Variants in IGSF11 observed in about 807,000 individuals in gnomAD.
IGSF11 encodes CXADR like 1.
Under a neutral mutation model 41.0 loss-of-function variants are expected in IGSF11, and 22 were observed. The ratio of observed to expected loss-of-function variants is 0.54; its 90% confidence interval spans 0.38 to 0.77. IGSF11 has a LOEUF of 0.77. Ranked by LOEUF, IGSF11 falls within the 30% of genes least tolerant of loss-of-function variation. IGSF11 has a pLI of 0.00. For synonymous variants in IGSF11, 219 were observed against 201.3 expected (o/e 1.09, Z -0.74); for missense variants, 444 against 530.8 (o/e 0.84, Z 1.61).
intron 1 of IGSF11, among the ~76,000 whole-genome samples, chr3:118,954,545 T>C (rs746247580): frequency 2.0e-5 from 3 of 152,114 alleles, no homozygotes; most frequent in African/African-American, 7.2e-5. Flanking sequence ...CTTCCTCCTA[T>C]GACAAAAATG....
intron 1 of IGSF11, among the ~76,000 whole-genome samples, chr3:119,101,538 CA>C (rs2076940668): frequency 1.3e-5 from 2 of 152,144 alleles, no homozygotes; most frequent in African/African-American, 2.4e-5. Context: ...AAAGCATATA[CA>C]GACATGGCAC....
intron 1 of IGSF11, among the ~76,000 whole-genome samples, chr3:119,135,958 C>A (rs1375360053): frequency 1.3e-5 from 2 of 152,186 alleles, no homozygotes; most frequent in Non-Finnish European, 2.9e-5. Context: ...CAAACTATCA[C>A]AAGGACAGAA....
At chr3:118,913,173 A>G (rs1222722858) in intron 4 of IGSF11, among the ~76,000 whole-genome samples, 2 of 152,132 alleles carry the variant, frequency 1.3e-5, no homozygotes, top group Non-Finnish European at 2.9e-5. Context: ...CGGATAAGCA[A>G]AGGATTAAAA....
intron 1 of IGSF11, among the ~76,000 whole-genome samples, chr3:119,008,811 C>G (rs1456475502): frequency 6.6e-6 from 1 of 152,150 alleles, no homozygotes; most frequent in African/African-American, 2.4e-5. Flanking sequence ...GGACTGAGTA[C>G]AGCAGATTGT....
intron 1 of IGSF11, among the ~76,000 whole-genome samples, chr3:119,080,752 A>G (rs984090297): frequency 2.6e-5 from 4 of 152,204 alleles, no homozygotes; most frequent in Admixed American, 2.6e-4. Context: ...GAGCACAATT[A>G]TTATAGCAGC....
chr3:118,904,856 C>A lies in IGSF11; in HGVS notation c.704-58G>T, dbSNP rs1446141134. The stretch of plus-strand genomic sequence containing the variant: ...AAGAGAAAGAGAGAAATAGCATATA[C>A]CCATGCAACTGTAATAAGCACATAA... On this transcript the variant is annotated intron_variant, in intron 5 of 6. Coordinates refer to ENST00000393775, the MANE Select transcript of IGSF11 (RefSeq NM_001015887.3). 13 of 1,387,400 alleles carry A rather than the reference C, an allele frequency of 9.4e-6. 1 individual carries two copies. The South Asian group carries it at 1.1e-4, about 12-fold the overall frequency. The allele number at this position is 1,387,400 out of a possible 1,614,324, so 85.9% of individuals were successfully genotyped here.
chr3:118,945,413 C>T (rs957015371), intron 1 of IGSF11, among the ~76,000 whole-genome samples: 4 of 152,198 alleles, frequency 2.6e-5, no homozygotes, highest in African/African-American at 4.8e-5. Flanking sequence ...CATATCTATG[C>T]TTTCCACCCT....
At chr3:119,048,884 C>A (rs996533602) in intron 1 of IGSF11, among the ~76,000 whole-genome samples, 8 of 152,022 alleles carry the variant, frequency 5.3e-5, no homozygotes, top group African/African-American at 1.9e-4. Flanking sequence ...TAAACAGAAC[C>A]AAAGACAAAA....
At position 118,994,954 on chromosome 3, in the gene IGSF11, T is replaced by C. The variant is rs191400396; in HGVS notation, c.52+39577A>G. ...GGAAAGCAGGCCACAGTCAAGGCAATGAAAAGGGGTTATGTAATAGAAAAG... is the reference window on the plus strand; with the variant it reads ...GGAAAGCAGGCCACAGTCAAGGCAACGAAAAGGGGTTATGTAATAGAAAAG... On this transcript the variant is annotated intron_variant, in intron 1 of 6. Coordinates refer to ENST00000393775, the MANE Select transcript of IGSF11 (RefSeq NM_001015887.3). 2.8e-4 allele frequency among the ~76,000 whole-genome samples: 43 copies of C among 151,936 alleles called. No individual in the cohort carries two copies. In the East Asian group the frequency reaches 7.2e-3, roughly 25 times the overall value.
intron 1 of IGSF11, among the ~76,000 whole-genome samples, chr3:118,933,043 G>C (rs1942980610): frequency 6.6e-6 from 1 of 152,260 alleles, no homozygotes; most frequent in Admixed American, 6.5e-5. Context: ...CAACAGGACG[G>C]TTGGCACAGA....
chr3:118,958,134 TAC>T (rs1945092539), intron 1 of IGSF11, among the ~76,000 whole-genome samples: 1 of 152,234 alleles, frequency 6.6e-6, no homozygotes, highest in Admixed American at 6.5e-5. Flanking sequence ...TTCTCAGAAT[TAC>T]AGATACTTCC....
chr3:118,992,284 GATGTT>G (rs1935862354), intron 1 of IGSF11, among the ~76,000 whole-genome samples: 1 of 152,130 alleles, frequency 6.6e-6, no homozygotes, highest in Admixed American at 6.6e-5. Flanking sequence ...GGTAAGTCTG[GATGTT>G]ATGAGTCTCC....
At chr3:118,939,647 TTTAA>T (rs60660207) in intron 1 of IGSF11, among the ~76,000 whole-genome samples, 3,605 of 152,148 alleles carry the variant, frequency 0.024, 143 homozygotes, top group African/African-American at 0.083. Flanking sequence ...AGAAAATATT[TTTAA>T]TTATGTGAGT....
chr3:119,056,151 A>C (rs1941824883), intron 1 of IGSF11, among the ~76,000 whole-genome samples: 1 of 152,190 alleles, frequency 6.6e-6, no homozygotes, highest in Admixed American at 6.5e-5. Context: ...TAGAGACAAA[A>C]AAAACCCTTC....
At chr3:119,105,199 T>TTCC (rs966941383) in exon 1 of IGSF11, 39 of 1,600,306 alleles carry the variant, frequency 2.4e-5, no homozygotes, top group Non-Finnish European at 3.3e-5. Context: ...ACATTTATTC[T>TTCC]TCTTGCCTGA....
upstream of IGSF11, chr3:119,034,949 G>A: frequency 1.6e-6 from 1 of 609,036 alleles, no homozygotes; most frequent in Non-Finnish European, 2.1e-6. Flanking sequence ...CGCCCCGCTT[G>A]GTCTCCAGGG....
chr3:119,073,470 C>T (rs989435039), intron 1 of IGSF11, among the ~76,000 whole-genome samples: 1 of 152,148 alleles, frequency 6.6e-6, no homozygotes, highest in Non-Finnish European at 1.5e-5. Context: ...TGGCGCCCAT[C>T]GGGGAGGCTC....
At chr3:118,929,149 C>T (rs1559913177) in intron 2 of IGSF11, among the ~76,000 whole-genome samples, 1 of 152,114 alleles carries the variant, frequency 6.6e-6, no homozygotes, top group Non-Finnish European at 1.5e-5. Flanking sequence ...GTTACAAGTC[C>T]ATGATTACTG....
At chr3:119,044,100 T>C (rs1941225300) in intron 1 of IGSF11, among the ~76,000 whole-genome samples, 2 of 152,160 alleles carry the variant, frequency 1.3e-5, no homozygotes, top group African/African-American at 4.8e-5. Context: ...AGGTCGATTA[T>C]TAAGCTACTC....
Sources: gnomAD v4.1 joint callset for allele counts (sites outside exome capture counted in the v4.1 genomes callset) on GRCh38, gnomAD v4.1.1 for gene constraint, MANE v1.5 for transcripts, NCBI Gene and HGNC (gene_info 2026-07-23, HGNC 2026-07-21) for gene names.